Variants in SMKR1 observed in about 807,000 individuals in gnomAD.
SMKR1 encodes small lysine-rich protein 1.
Under a neutral mutation model 4.0 loss-of-function variants are expected in SMKR1, and 4 were observed. That is an observed-to-expected ratio of 1.00 (90% CI 0.49 to 2.30). The LOEUF is 2.30. Ranked by LOEUF, SMKR1 falls within the 30% of genes most tolerant of loss-of-function variation. The pLI is 0.02. For synonymous variants in SMKR1, 38 were observed against 32.5 expected (o/e 1.17, Z -0.58); for missense variants, 56 against 81.8 (o/e 0.68, Z 1.22).
chr7:129,505,190 A>G (rs1353167009), intron 1 of SMKR1, among the ~76,000 whole-genome samples: 4 of 152,218 alleles, frequency 2.6e-5, no homozygotes, highest in Non-Finnish European at 4.4e-5. Flanking sequence ...TGGTAAATTT[A>G]TAGACAGAAT....
At chr7:129,504,071 G>A (rs544036357) in intron 1 of SMKR1, among the ~76,000 whole-genome samples, 4 of 151,980 alleles carry the variant, frequency 2.6e-5, no homozygotes, top group South Asian at 2.1e-4. Flanking sequence ...CAAGGGATCC[G>A]CCCGCCTTGG....
chr7:129,502,999 C>T (rs1584984095), intron 1 of SMKR1, among the ~76,000 whole-genome samples, 172 bp downstream of exon 1: 1 of 149,798 alleles, frequency 6.7e-6, no homozygotes, highest in East Asian at 2.1e-4. Context: ...CTGCTGGGGG[C>T]GCAGCAGCCG....
chr7:129,506,618 C>G (rs2151027562), intron 1 of SMKR1, among the ~76,000 whole-genome samples: 1 of 151,708 alleles, frequency 6.6e-6, no homozygotes, highest in African/African-American at 2.4e-5. Context: ...CAGGCAATGG[C>G]TGGTCTGCCC....
chr7:129,507,787 T>A (rs1462985572), intron 1 of SMKR1, among the ~76,000 whole-genome samples: 1 of 152,254 alleles, frequency 6.6e-6, no homozygotes, highest in Non-Finnish European at 1.5e-5. Context: ...GAGTATCTTT[T>A]CATGTGCTTA....
intron 1 of SMKR1, among the ~76,000 whole-genome samples, chr7:129,504,225 C>G (rs541434164): frequency 6.6e-6 from 1 of 152,356 alleles, no homozygotes; most frequent in East Asian, 1.9e-4. Context: ...GAATGAGGGT[C>G]AAACACATTA....
chr7:129,512,039 C>T (rs568704136), intron 1 of SMKR1, among the ~76,000 whole-genome samples: 43 of 152,020 alleles, frequency 2.8e-4, no homozygotes, highest in African/African-American at 8.0e-4. Context: ...AAAAATTAGC[C>T]GGGAGTGATG....
chr7:129,506,864 CT>C (rs149799446), intron 1 of SMKR1, among the ~76,000 whole-genome samples: 59 of 132,214 alleles, frequency 4.5e-4, no homozygotes, highest in East Asian at 4.3e-4. Flanking sequence ...TCTTTCTTTT[CT>C]TTTTTTTTTT....
intron 1 of SMKR1, among the ~76,000 whole-genome samples, chr7:129,507,548 A>G (rs562779743): frequency 6.6e-6 from 1 of 152,334 alleles, no homozygotes; most frequent in South Asian, 2.1e-4. Context: ...TAGGAGTGGA[A>G]TGGACTGGGT....
chr7:129,508,652 C>G (rs571338035), intron 1 of SMKR1, among the ~76,000 whole-genome samples: 111 of 152,218 alleles, frequency 7.3e-4, no homozygotes, highest in African/African-American at 2.5e-3. Flanking sequence ...CTGTAGTGGC[C>G]AGGCTGGTCT....
rs1407641856 is a variant in SMKR1, at chr7:129,512,457, C to T, written c.*16C>T. On this transcript the variant is annotated 3_prime_UTR_variant, in exon 2 of 2. Coordinates refer to ENST00000462322, the MANE Select transcript of SMKR1 (RefSeq NM_001195243.2). ...AAGCAAGTGACAGCATTTCACAACA[C>T]ATCTCTGTTACAGACAACAGGACCT... The T allele has an allele frequency of 2.0e-6, 3 of 1,529,902 alleles. No individual in the cohort carries two copies. The highest frequency in any genetic ancestry group is 2.6e-6 in the Non-Finnish European group (3 of 1,144,686). The allele number at this position is 1,529,902 out of a possible 1,614,324, so 94.8% of individuals were successfully genotyped here.
intron 1 of SMKR1, among the ~76,000 whole-genome samples, chr7:129,507,466 C>T (rs1027938761): frequency 1.3e-5 from 2 of 152,152 alleles, no homozygotes; most frequent in Non-Finnish European, 2.9e-5. Context: ...CAGTTTTTAG[C>T]TATTACAAAT....
chr7:129,505,394 T>C (rs532227530), intron 1 of SMKR1, among the ~76,000 whole-genome samples: 117 of 152,182 alleles, frequency 7.7e-4, no homozygotes, highest in Admixed American at 1.4e-3. Flanking sequence ...TTGAAGTATC[T>C]TGATTTGGGC....
At chr7:129,509,511 T>A (rs1799504586) in intron 1 of SMKR1, among the ~76,000 whole-genome samples, 1 of 152,076 alleles carries the variant, frequency 6.6e-6, no homozygotes, top group Non-Finnish European at 1.5e-5. Context: ...TATCTAGGAA[T>A]GTACTCTATT....
chr7:129,511,838 A>T (rs1275329194), intron 1 of SMKR1, among the ~76,000 whole-genome samples: 1 of 151,954 alleles, frequency 6.6e-6, no homozygotes. Flanking sequence ...CCTTTTAGGA[A>T]TTTTTTTTCC....
chr7:129,507,974 A>G (rs75079038), intron 1 of SMKR1, among the ~76,000 whole-genome samples: 8,785 of 152,196 alleles, frequency 0.058, 580 homozygotes, highest in East Asian at 0.18. Flanking sequence ...CATTCTCTTA[A>G]TAATATCTTT....
chr7:129,507,237 G>A (rs556347284), intron 1 of SMKR1, among the ~76,000 whole-genome samples: 3 of 152,176 alleles, frequency 2.0e-5, no homozygotes, highest in East Asian at 1.9e-4. Context: ...GGACGGTCTC[G>A]ATCTCCTGAC....
chr7:129,511,276 A>C (rs1799524104), intron 1 of SMKR1, among the ~76,000 whole-genome samples: 1 of 152,242 alleles, frequency 6.6e-6, no homozygotes, highest in South Asian at 2.1e-4. Context: ...ATGAAAATAA[A>C]ATCATAAACT....
At position 129,512,474 on chromosome 7, in the gene SMKR1, A is replaced by G. The variant is rs1799537609; in HGVS notation, c.*33A>G. ...TCACAACACATCTCTGTTACAGACA[A>G]CAGGACCTGGGGAAGAGAAGTCAGG... On this transcript the variant is annotated 3_prime_UTR_variant, in exon 2 of 2. Transcript: ENST00000462322. 8 of 1,512,994 alleles carry G rather than the reference A, an allele frequency of 5.3e-6. No individual in the cohort carries two copies. The highest frequency in any genetic ancestry group is 7.0e-6 in the Non-Finnish European group (8 of 1,136,766). The allele number at this position is 1,512,994 out of a possible 1,614,324, so 93.7% of individuals were successfully genotyped here.
intron 1 of SMKR1, among the ~76,000 whole-genome samples, chr7:129,503,110 C>G (rs1799428090): frequency 6.6e-6 from 1 of 151,718 alleles, no homozygotes; most frequent in South Asian, 2.1e-4. Context: ...AGGGTGGCAC[C>G]GTGGTGTGGC....
Sources: gnomAD v4.1 joint callset for allele counts (sites outside exome capture counted in the v4.1 genomes callset) on GRCh38, gnomAD v4.1.1 for gene constraint, MANE v1.5 for transcripts, NCBI Gene and HGNC (gene_info 2026-07-23, HGNC 2026-07-21) for gene names.